The following PRKACB variants were observed in gnomAD, a reference collection of about 807,000 sequenced individuals.
PRKACB encodes cAMP-dependent protein kinase catalytic subunit beta.
Under a neutral mutation model 51.4 loss-of-function variants are expected in PRKACB, and 16 were observed. That is an observed-to-expected ratio of 0.31 (90% CI 0.21 to 0.47). PRKACB has a LOEUF of 0.47. Ranked by LOEUF, PRKACB falls within the 20% of genes least tolerant of loss-of-function variation. PRKACB has a pLI of 1.00. For synonymous variants in PRKACB, 147 were observed against 154.4 expected (o/e 0.95, Z 0.35); for missense variants, 309 against 464.5 (o/e 0.67, Z 3.08).
At chr1:84,204,958 G>A (rs1024383234) in intron 8 of PRKACB, 16 of 977,856 alleles carry the variant, frequency 1.6e-5, no homozygotes, top group African/African-American at 3.5e-5. Context: ...TTAAAATTTT[G>A]TATCTAATAA....
At chr1:84,109,134 G>C (rs1650014245) in intron 1 of PRKACB, among the ~76,000 whole-genome samples, 1 of 151,904 alleles carries the variant, frequency 6.6e-6, no homozygotes, top group Admixed American at 6.6e-5. Flanking sequence ...ATATGTCACA[G>C]TTTAAATGTT....
intron 9 of PRKACB, among the ~76,000 whole-genome samples, chr1:84,227,272 T>C (rs1168423081): frequency 1.3e-5 from 2 of 152,122 alleles, no homozygotes; most frequent in Non-Finnish European, 2.9e-5. Flanking sequence ...TATTGGTCTC[T>C]TCAAGTTTTT....
rs138436445 is a variant in PRKACB, at chr1:84,081,819, G to A, written c.46+3448G>A. 1.3e-5 allele frequency among the ~76,000 whole-genome samples: 2 copies of A among 152,284 alleles called. 1 individual carries two copies. The highest frequency in any genetic ancestry group is 2.9e-5 in the Non-Finnish European group (2 of 68,000). ...TGAGGCCCATGGGTGAAAAGTGTTGGTAGAGGTTTGAATGTAGATTCTTTC... is the reference window on the plus strand; with the variant it reads ...TGAGGCCCATGGGTGAAAAGTGTTGATAGAGGTTTGAATGTAGATTCTTTC... On this transcript the variant is annotated intron_variant, in intron 1 of 8. Transcript: ENST00000370688.
At chr1:84,079,877 G>C (rs2100731651) in intron 1 of PRKACB, among the ~76,000 whole-genome samples, 1 of 152,250 alleles carries the variant, frequency 6.6e-6, no homozygotes, top group Middle Eastern at 3.4e-3. Flanking sequence ...TGTTGGTCAG[G>C]CTGGTCTCGA....
At chr1:84,089,342 G>C (rs1648275221) in intron 1 of PRKACB, among the ~76,000 whole-genome samples, 2 of 152,072 alleles carry the variant, frequency 1.3e-5, no homozygotes, top group South Asian at 4.1e-4. Flanking sequence ...ATGGTATATA[G>C]TAACTTCTTT....
At chr1:84,167,924 A>G (rs1027078954) in intron 1 of PRKACB, among the ~76,000 whole-genome samples, 17 of 151,544 alleles carry the variant, frequency 1.1e-4, no homozygotes, top group African/African-American at 4.1e-4. Flanking sequence ...AAAATTGGTT[A>G]TATGTGAAAA....
At chr1:84,128,007 C>CTTTTTTTTTTTTTTTT (rs10537848) in intron 1 of PRKACB, among the ~76,000 whole-genome samples, 26 of 105,400 alleles carry the variant, frequency 2.5e-4, no homozygotes, top group Non-Finnish European at 3.7e-4. Flanking sequence ...CTTTTTTTTT[C>CTTTTTTTTTTTTTTTT]TTTTTTTTTT....
chr1:84,183,923 A>G, intron 3 of PRKACB, 114 bp from the exon 4 acceptor site: 1 of 1,117,398 alleles, frequency 8.9e-7, no homozygotes, highest in Non-Finnish European at 1.2e-6. Flanking sequence ...TTCCTTATCC[A>G]ATTCTAACAA....
chr1:84,164,665 A>G, intron 1 of PRKACB: 1 of 1,398,888 alleles, frequency 7.1e-7, no homozygotes, highest in African/African-American at 1.4e-5. Flanking sequence ...AGAACATCTT[A>G]TACATCCTGG....
Position 84,197,799 on chromosome 1 carries a change from T to C in PRKACB, c.758T>C (p.Leu253Ser), listed in dbSNP as rs1668621383. ...ACATTATGTGGAACTCCAGAGTATT[T>C]GGCTCCAGAAATAATTCTCAGCAAG... ...TWTLCGTPEY[L>S]APEIILSKGY... The change falls in exon 7 of 10, where the codon TTG becomes TCG. Residue 253 changes from leucine to serine, a missense_variant. By Grantham distance (145) the Leu-to-Ser change is moderately radical (BLOSUM62 -2). Coordinates refer to ENST00000370685, the MANE Select transcript of PRKACB (RefSeq NM_182948.4). 1 of 1,610,712 alleles carries C rather than the reference T, an allele frequency of 6.2e-7. No individual in the cohort carries two copies.
intron 1 of PRKACB, among the ~76,000 whole-genome samples, chr1:84,177,251 C>T (rs1267526506): frequency 1.3e-5 from 2 of 151,948 alleles, no homozygotes; most frequent in Non-Finnish European, 2.9e-5. Context: ...TTCTTAAATG[C>T]CACAGTGCAT....
chr1:84,162,094 C>G (rs1656268589), intron 1 of PRKACB, among the ~76,000 whole-genome samples: 1 of 151,918 alleles, frequency 6.6e-6, no homozygotes, highest in Non-Finnish European at 1.5e-5. Flanking sequence ...GATGGGTTTG[C>G]TTTCTTGTTT....
intron 1 of PRKACB, chr1:84,174,963 A>G: frequency 3.7e-6 from 5 of 1,356,026 alleles, no homozygotes; most frequent in East Asian, 5.8e-5. Context: ...AAAAATGCGT[A>G]TTGGTGACTT....
intron 1 of PRKACB, among the ~76,000 whole-genome samples, chr1:84,135,080 G>A (rs1652662036): frequency 6.6e-6 from 1 of 152,178 alleles, no homozygotes; most frequent in East Asian, 1.9e-4. Flanking sequence ...GATGGAGAAA[G>A]ATATACCATA....
At chr1:84,225,215 G>C (rs997316902) in intron 9 of PRKACB, among the ~76,000 whole-genome samples, 1 of 152,188 alleles carries the variant, frequency 6.6e-6, no homozygotes, top group African/African-American at 2.4e-5. Flanking sequence ...GAGTGAGTCT[G>C]TCCTCATGCC....
intron 7 of PRKACB, among the ~76,000 whole-genome samples, chr1:84,200,261 C>A (rs1669697159): frequency 6.6e-6 from 1 of 152,020 alleles, no homozygotes; most frequent in African/African-American, 2.4e-5. Context: ...TTTTTCATAT[C>A]TTTGTTGGCC....
intron 1 of PRKACB, among the ~76,000 whole-genome samples, chr1:84,162,447 A>G (rs756555379): frequency 6.6e-6 from 1 of 151,858 alleles, no homozygotes; most frequent in Non-Finnish European, 1.5e-5. Context: ...GATATCCCAT[A>G]AGTTTCTCAG....
At chr1:84,106,479 C>A (rs1350259090) in intron 1 of PRKACB, among the ~76,000 whole-genome samples, 1 of 152,024 alleles carries the variant, frequency 6.6e-6, no homozygotes, top group African/African-American at 2.4e-5. Context: ...AGCTGAGAGC[C>A]GAATCAGGAA....
chr1:84,209,390 C>A (rs113360802), intron 8 of PRKACB, among the ~76,000 whole-genome samples: 1 of 152,108 alleles, frequency 6.6e-6, no homozygotes, highest in Non-Finnish European at 1.5e-5. Context: ...CCCCCCTCCA[C>A]GAAGCCTTCC....
Sources: allele counts gnomAD v4.1 joint callset (sites outside exome capture counted in the v4.1 genomes callset), GRCh38; gene constraint gnomAD v4.1.1; transcripts MANE v1.5; gene names NCBI Gene and HGNC (gene_info 2026-07-23, HGNC 2026-07-21).